The following INO80D variants were observed in gnomAD, a reference collection of about 807,000 sequenced individuals.
The protein encoded by INO80D is INO80 complex subunit D.
INO80D carries 21 observed loss-of-function variants against 87.6 expected under a neutral mutation model. That is an observed-to-expected ratio of 0.24 (90% CI 0.17 to 0.35). The LOEUF is 0.35. Ranked by LOEUF, INO80D falls within the 10% of genes least tolerant of loss-of-function variation. The pLI, the probability that INO80D is intolerant of heterozygous loss-of-function variation, is 1.00. For synonymous variants in INO80D, 440 were observed against 491.0 expected (o/e 0.90, Z 1.37); for missense variants, 982 against 1,280.7 (o/e 0.77, Z 3.56).
In INO80D at chr2:206,002,583, T is replaced by TA. The variant is rs1256527669; in HGVS notation, c.*1784dup. The TA allele has an allele frequency of 1.3e-5, 2 of 152,174 alleles. No individual in the cohort carries two copies. Among genetic ancestry groups the TA allele is most frequent in the African/African-American group, 4.8e-5 (2 of 41,440 alleles). 9.4% of individuals were successfully genotyped at this position (152,174 alleles called of 1,614,324 possible). ...ACAGTCATGTGACATTTCCCCTCCA[T>TA]AACCTCAGGCACGTGGTATCTGCAT... On this transcript the variant is annotated 3_prime_UTR_variant, in exon 11 of 11. Transcript: ENST00000403263.
chr2:206,070,419 C>CT (rs1401594910), intron 1 of INO80D, among the ~76,000 whole-genome samples: 1 of 150,270 alleles, frequency 6.7e-6, no homozygotes, highest in Admixed American at 6.7e-5. Context: ...GAATGAGACT[C>CT]TGTCTCAAAA....
Position 206,025,542 on chromosome 2 carries a change from A to AAAAAATATAT in INO80D, c.1298+2568_1298+2569insATATATTTTT, listed in dbSNP as rs71301548. The AAAAAATATAT allele has an allele frequency of 2.0e-3, 153 of 76,930 alleles. 1 individual carries two copies. Among genetic ancestry groups the AAAAAATATAT allele is most frequent in the South Asian group, 5.2e-3 (8 of 1,530 alleles). The allele number at this position is 76,930 out of a possible 1,614,324, so 4.8% of individuals were successfully genotyped here. A position where few individuals can be genotyped will look rare whatever the true frequency, so the allele number is the denominator to read the frequency against. On this transcript the variant is annotated intron_variant, in intron 6 of 10. Transcript: ENST00000403263. Reference sequence around the variant, plus strand: ...AAACTCCATCTCAAAAAAAAAAAAAAATATATATATATATATATATATATA... The same window carrying AAAAAATATAT: ...AAACTCCATCTCAAAAAAAAAAAAAAAAAAATATATATATATATATATATATATATATATA...
Position 206,004,223 on chromosome 2 carries a change from G to C in INO80D, c.*145C>G. 1.4e-6 allele frequency: 1 copy of C among 730,466 alleles called. No homozygotes were observed. The highest frequency in any genetic ancestry group is 2.2e-6 in the Non-Finnish European group (1 of 445,094). The allele number at this position is 730,466 out of a possible 1,614,324, so 45.2% of individuals were successfully genotyped here. A position where few individuals can be genotyped will look rare whatever the true frequency, so the allele number is the denominator to read the frequency against. ...AACACTGTAGCGAGGTCCACTGCAG[G>C]GCCACTCATTGAACTGGGAAGGGGG... On this transcript the variant is annotated 3_prime_UTR_variant, in exon 11 of 11. Coordinates refer to ENST00000403263, the MANE Select transcript of INO80D (RefSeq NM_017759.5). This position sits in a 1 kb window ranked among gnomAD's most constrained non-coding sequence, Gnocchi z 4.9.
intron 7 of INO80D, among the ~76,000 whole-genome samples, chr2:206,019,470 C>T (rs750631583): frequency 2.6e-5 from 4 of 152,116 alleles, no homozygotes; most frequent in Non-Finnish European, 5.9e-5. Context: ...ACCTGAGGGA[C>T]CAGAATTCTA....
rs907754539 is a variant in INO80D at position 206,000,585 on chromosome 2, C to T, written c.*3783G>A. ...CCTCTGTGCATCCCAAACATGGTTT[C>T]CTTCCTAATCAAAGAGTTGTCTTTG... On this transcript the variant is annotated 3_prime_UTR_variant, in exon 11 of 11. Transcript: ENST00000403263. The T allele has an allele frequency of 5.9e-5, 9 of 152,188 alleles. No individual in the cohort carries two copies. Among genetic ancestry groups the T allele is most frequent in the Admixed American group, 4.6e-4 (7 of 15,264 alleles). The allele number at this position is 152,188 out of a possible 1,614,324, so 9.4% of individuals were successfully genotyped here. A position where few individuals can be genotyped will look rare whatever the true frequency, so the allele number is the denominator to read the frequency against.
intron 4 of INO80D, among the ~76,000 whole-genome samples, chr2:206,050,532 A>G (rs1689329986): frequency 6.7e-6 from 1 of 149,572 alleles, no homozygotes; most frequent in Admixed American, 6.7e-5. Flanking sequence ...AAAGATTAAA[A>G]AATCAGCCCC....
intron 4 of INO80D, 38 bp from the exon 5 acceptor site, chr2:206,046,650 T>C (rs1247826604): frequency 1.5e-6 from 2 of 1,339,670 alleles, no homozygotes; most frequent in Non-Finnish European, 2.1e-6. Flanking sequence ...TAGAAAAAGT[T>C]TACTTTTATT....
chr2:206,074,225 T>C (rs527388653), intron 1 of INO80D, among the ~76,000 whole-genome samples: 20 of 152,206 alleles, frequency 1.3e-4, no homozygotes, highest in Admixed American at 1.2e-3. Context: ...TACCAAAAAA[T>C]GGAAATAACC....
chr2:206,005,316 G>A lies in INO80D; in HGVS notation c.2136C>T (p.Asp712=), dbSNP rs769281805. ...IQSLSREVNT[D]LGELLNGRIV... ...TACGCCCATTCAATAGCTCCCCTAG[G>A]TCTGTGTTCACCTCTCGGCTCAAGG... The change falls in exon 11 of 11, where the codon GAC becomes GAT. Residue 712 remains aspartate, a synonymous_variant. Transcript: ENST00000403263. The A allele has an allele frequency of 4.3e-6, 7 of 1,613,820 alleles. No homozygotes were observed. The South Asian group carries it at 6.6e-5, about 15-fold the overall frequency.
chr2:206,008,993 A>G (rs76018545), intron 9 of INO80D, among the ~76,000 whole-genome samples: 1,825 of 152,324 alleles, frequency 0.012, 17 homozygotes, highest in Middle Eastern at 0.02. Context: ...GTTGGAACAT[A>G]TATGGAATTT....
intron 1 of INO80D, among the ~76,000 whole-genome samples, chr2:206,081,957 C>G (rs1690298196): frequency 6.6e-6 from 1 of 152,110 alleles, no homozygotes; most frequent in Admixed American, 6.6e-5. Context: ...GATCAGAACT[C>G]AAAGCCCAGT....
At position 206,017,886 on chromosome 2, in the gene INO80D, T is replaced by C; in HGVS notation, c.1409-73A>G. ...TCAATTTCTATATAAAATTTGCTTGTTCCCTTACATTTCATAAGTACAAGC... is the reference window on the plus strand; with the variant it reads ...TCAATTTCTATATAAAATTTGCTTGCTCCCTTACATTTCATAAGTACAAGC... On this transcript the variant is annotated intron_variant, in intron 7 of 10. Transcript: ENST00000403263. 3.0e-6 allele frequency: 4 copies of C among 1,350,290 alleles called. No individual in the cohort carries two copies. The South Asian group carries it at 4.3e-5, about 14-fold the overall frequency. 83.6% of individuals were successfully genotyped at this position (1,350,290 alleles called of 1,614,324 possible).
At chr2:206,052,069 T>C (rs1689384929) in intron 4 of INO80D, among the ~76,000 whole-genome samples, 1 of 152,230 alleles carries the variant, frequency 6.6e-6, no homozygotes, top group African/African-American at 2.4e-5. Flanking sequence ...CTTTATACTA[T>C]TCTGTGTGAG....
chr2:206,036,100 G>A lies in INO80D; in HGVS notation c.1074-7765C>T, dbSNP rs542610708. Among the ~76,000 whole-genome samples, 5 of 152,190 alleles carry A rather than the reference G, an allele frequency of 3.3e-5. No individual in the cohort carries two copies. In the South Asian group the frequency reaches 1.0e-3, roughly 32 times the overall value. On this transcript the variant is annotated intron_variant, in intron 5 of 10. Transcript: ENST00000403263. Reference sequence around the variant, plus strand: ...AAAAATCAAAAATCAGTAGATGTTGGCATGGATGTGGTGATCAGGGAACAC... The same window carrying A: ...AAAAATCAAAAATCAGTAGATGTTGACATGGATGTGGTGATCAGGGAACAC...
intron 1 of INO80D, among the ~76,000 whole-genome samples, chr2:206,073,849 A>G (rs1484038818): frequency 6.6e-6 from 1 of 152,148 alleles, no homozygotes; most frequent in Non-Finnish European, 1.5e-5. Flanking sequence ...ACAAAAGGCT[A>G]AAACTAAGCA....
intron 8 of INO80D, among the ~76,000 whole-genome samples, chr2:206,011,321 T>C (rs1301217494): frequency 6.6e-6 from 1 of 152,188 alleles, no homozygotes; most frequent in African/African-American, 2.4e-5. Context: ...AGGCTCCCAA[T>C]GATCACCTGG....
At chr2:206,013,956 C>A (rs956056962) in intron 8 of INO80D, among the ~76,000 whole-genome samples, 1 of 150,830 alleles carries the variant, frequency 6.6e-6, no homozygotes, top group Non-Finnish European at 1.5e-5. Context: ...GTCAGGAGTT[C>A]AAGACCAGCC....
At chr2:206,038,478 T>G (rs777063122) in intron 5 of INO80D, among the ~76,000 whole-genome samples, 4 of 152,138 alleles carry the variant, frequency 2.6e-5, no homozygotes, top group Admixed American at 6.5e-5. Context: ...TTGGTCCCAA[T>G]AGGAAGTAGA....
At chr2:206,039,810 CAAAA>C (rs35689223) in intron 5 of INO80D, among the ~76,000 whole-genome samples, 7 of 101,102 alleles carry the variant, frequency 6.9e-5, no homozygotes, top group Non-Finnish European at 1.2e-4. Flanking sequence ...CCTCTGTCTC[CAAAA>C]AAAAAAAAAA....
Sources: allele counts gnomAD v4.1 joint callset (sites outside exome capture counted in the v4.1 genomes callset), GRCh38; gene constraint gnomAD v4.1.1; non-coding constraint Gnocchi (gnomAD v3.1); transcripts MANE v1.5; gene names NCBI Gene and HGNC (gene_info 2026-07-23, HGNC 2026-07-21).